ASH1L: variants seen among roughly 807,000 people sequenced by gnomAD.
ASH1L encodes histone-lysine N-methyltransferase ASH1L.
Under a neutral mutation model 269.0 loss-of-function variants are expected in ASH1L, and 23 were observed. That is an observed-to-expected ratio of 0.09 (90% CI 0.06 to 0.12). The LOEUF is 0.12. Ranked by LOEUF, ASH1L falls within the 10% of genes least tolerant of loss-of-function variation. The pLI, the probability that ASH1L is intolerant of heterozygous loss-of-function variation, is 1.00. For synonymous variants in ASH1L, 1,187 were observed against 1,253.5 expected (o/e 0.95, Z 1.12); for missense variants, 2,912 against 3,567.8 (o/e 0.82, Z 4.68).
chr1:155,562,422 G>C lies in ASH1L; in HGVS notation c.-369C>G. ...CGCAAAGCGAACCCAAAATGGCGGC[G>C]GGAGCGGCGGCGGCGGCGGCGGCAG... On this transcript the variant is annotated 5_prime_UTR_variant, in exon 1 of 28. Transcript: ENST00000392403. 1 of 1,482,538 alleles carries C rather than the reference G, an allele frequency of 6.7e-7. No homozygotes were observed. The highest frequency in any genetic ancestry group is 9.1e-7 in the Non-Finnish European group (1 of 1,093,608). 91.8% of individuals were successfully genotyped at this position (1,482,538 alleles called of 1,614,324 possible). A position where few individuals can be genotyped will look rare whatever the true frequency, so the allele number is the denominator to read the frequency against.
intron 1 of ASH1L, among the ~76,000 whole-genome samples, chr1:155,533,573 G>C (rs1669834359): frequency 6.6e-6 from 1 of 151,844 alleles, no homozygotes; most frequent in Non-Finnish European, 1.5e-5. Flanking sequence ...AATTGGCCAG[G>C]CGTGGTGGTG....
At chr1:155,485,164 G>A (rs1187950046) in intron 2 of ASH1L, among the ~76,000 whole-genome samples, 17 of 151,012 alleles carry the variant, frequency 1.1e-4, no homozygotes, top group African/African-American at 4.1e-4. Context: ...GCTGAAGCAG[G>A]AGAATCACTT....
At position 155,337,544 on chromosome 1, in the gene ASH1L, C is replaced by T. The variant is rs1401163197; in HGVS notation, c.*116G>A. The T allele has an allele frequency of 5.0e-6, 4 of 798,978 alleles. No homozygotes were observed. Among genetic ancestry groups the T allele is most frequent in the Admixed American group, 1.9e-5 (1 of 51,324 alleles). 49.5% of individuals were successfully genotyped at this position (798,978 alleles called of 1,614,324 possible). A position where few individuals can be genotyped will look rare whatever the true frequency, so the allele number is the denominator to read the frequency against. ...AAGTACCTAATGTCAACAACATGGC[C>T]CCATTCCCCTTGCCCAGATGGACCC... On this transcript the variant is annotated 3_prime_UTR_variant, in exon 28 of 28. Transcript: ENST00000392403.
intron 5 of ASH1L, among the ~76,000 whole-genome samples, chr1:155,417,356 G>A (rs1432143398): frequency 6.6e-6 from 1 of 152,136 alleles, no homozygotes; most frequent in African/African-American, 2.4e-5. Flanking sequence ...GCTGGAATTT[G>A]TGGAAATGAG....
chr1:155,354,389 G>A (rs558268647), intron 16 of ASH1L, 84 bp downstream of exon 16: 98 of 1,309,736 alleles, frequency 7.5e-5, no homozygotes, highest in Non-Finnish European at 9.7e-5. Flanking sequence ...GTTGCAGTGA[G>A]CCTAGATCAT....
rs1162300183 is a variant in ASH1L at position 155,562,279 on chromosome 1, G to C, written c.-226C>G. The C allele has an allele frequency of 6.2e-7, 1 of 1,606,582 alleles. No homozygotes were observed. The highest frequency in any genetic ancestry group is 8.5e-7 in the Non-Finnish European group (1 of 1,173,892). On this transcript the variant is annotated 5_prime_UTR_variant, in exon 1 of 28. Transcript: ENST00000392403. ...GATCCCTCCCGCTTGTCAGGAGGCG[G>C]CCAGCGGGTAAGCTGACTGGCGGAA... is the stretch of plus-strand genomic sequence containing the variant.
upstream of ASH1L, chr1:155,562,862 CA>C: frequency 2.1e-6 from 1 of 469,950 alleles, no homozygotes; most frequent in South Asian, 1.5e-5. Flanking sequence ...CCCCCACGGC[CA>C]CCAACCGCCG....
chr1:155,402,115 T>C (rs1410392166), intron 6 of ASH1L, among the ~76,000 whole-genome samples: 3 of 150,720 alleles, frequency 2.0e-5, no homozygotes, highest in African/African-American at 4.9e-5. Context: ...TAGCTGGGCA[T>C]GGTGATTGTG....
At chr1:155,526,768 C>A (rs1308621832) in intron 1 of ASH1L, among the ~76,000 whole-genome samples, 3 of 152,202 alleles carry the variant, frequency 2.0e-5, no homozygotes, top group Non-Finnish European at 4.4e-5. Context: ...CTTCCTATCA[C>A]AATATATAAA....
intron 3 of ASH1L, among the ~76,000 whole-genome samples, chr1:155,470,187 G>A (rs759777746): frequency 6.6e-5 from 10 of 152,070 alleles, no homozygotes; most frequent in Non-Finnish European, 4.4e-5. Flanking sequence ...GGCTGTGCGC[G>A]GTGGCTCACA....
rs747537775 is a variant in ASH1L at position 155,515,210 on chromosome 1, C to T, written c.420+5890G>A. 2.6e-5 allele frequency among the ~76,000 whole-genome samples: 4 copies of T among 152,156 alleles called. No individual in the cohort carries two copies. The South Asian group carries it at 6.2e-4, about 24-fold the overall frequency. On this transcript the variant is annotated intron_variant, in intron 2 of 27. Transcript: ENST00000392403. ...AGAGCCCAATTCTTCTCCAGGACAACGCCTGACTACATGTCACACAATCAA... is the reference window on the plus strand; with the variant it reads ...AGAGCCCAATTCTTCTCCAGGACAATGCCTGACTACATGTCACACAATCAA...
intron 1 of ASH1L, among the ~76,000 whole-genome samples, chr1:155,556,401 C>CGTGTGTGT (rs71080711): frequency 1.5e-4 from 21 of 140,458 alleles, no homozygotes; most frequent in African/African-American, 5.3e-4. Context: ...CATATATATA[C>CGTGTGTGT]GTGTGTGTGT....
At chr1:155,411,884 C>T (rs1051811857) in intron 6 of ASH1L, among the ~76,000 whole-genome samples, 1 of 151,588 alleles carries the variant, frequency 6.6e-6, no homozygotes, top group Non-Finnish European at 1.5e-5. Context: ...GGTTTACATC[C>T]TCTACATTTT....
At position 155,343,273 on chromosome 1, in the gene ASH1L, A is replaced by G. The variant is rs747429299; in HGVS notation, c.8293+41T>C. 7 of 1,582,554 alleles carry G rather than the reference A, an allele frequency of 4.4e-6. No homozygotes were observed. Among genetic ancestry groups the G allele is most frequent in the Middle Eastern group, 1.7e-4 (1 of 5,924 alleles). On this transcript the variant is annotated intron_variant, in intron 24 of 27. Transcript: ENST00000392403. This position sits in a 1 kb window ranked among gnomAD's most constrained non-coding sequence, Gnocchi z 6.1. ...TGGGATTATCAGCGTGAGCCACTGC[A>G]CTTGGCCGAGGTCATTTTTTAACTA...
intron 10 of ASH1L, among the ~76,000 whole-genome samples, chr1:155,371,586 T>A (rs1353355026): frequency 6.6e-6 from 1 of 151,640 alleles, no homozygotes; most frequent in Non-Finnish European, 1.5e-5. Flanking sequence ...ATAACTGTGA[T>A]CCAAAGAAGA....
chr1:155,561,949 C>A (rs1387270706), intron 1 of ASH1L: 2 of 500,102 alleles, frequency 4.0e-6, no homozygotes, highest in Non-Finnish European at 3.6e-6. Context: ...CGGGAGTCTG[C>A]CTGTCAGGGA....
chr1:155,459,666 C>T (rs1382406385), intron 4 of ASH1L, 131 bp downstream of exon 4: 1 of 712,446 alleles, frequency 1.4e-6, no homozygotes, highest in Non-Finnish European at 2.3e-6. Flanking sequence ...GTTTCAACTC[C>T]TTTGAATGGA....
At chr1:155,501,194 G>C (rs567675806) in intron 2 of ASH1L, among the ~76,000 whole-genome samples, 196 of 152,164 alleles carry the variant, frequency 1.3e-3, no homozygotes, top group Non-Finnish European at 2.2e-3. Flanking sequence ...AAAATGTTTT[G>C]TCTTTCTTCC....
At chr1:155,439,751 C>T (rs1030890833) in intron 4 of ASH1L, among the ~76,000 whole-genome samples, 2 of 151,742 alleles carry the variant, frequency 1.3e-5, no homozygotes, top group African/African-American at 4.8e-5. Flanking sequence ...GCCTAGTTTA[C>T]TACTATTATT....
Sources: gnomAD v4.1 joint callset for allele counts (sites outside exome capture counted in the v4.1 genomes callset) on GRCh38, gnomAD v4.1.1 for gene constraint, Gnocchi (gnomAD v3.1) non-coding constraint, MANE v1.5 for transcripts, NCBI Gene and HGNC (gene_info 2026-07-23, HGNC 2026-07-21) for gene names.